Variants in TNRC6C observed in about 807,000 individuals in gnomAD.
The protein encoded by TNRC6C is trinucleotide repeat containing adaptor 6C.
In TNRC6C, 20 loss-of-function variants were observed where a neutral mutation model predicts 153.7. The ratio of observed to expected loss-of-function variants is 0.13; its 90% CI spans 0.09 to 0.19. The LOEUF (loss-of-function observed/expected upper bound fraction) is 0.19, where lower values mean the gene tolerates loss of function less well. Among genes scored for constraint, TNRC6C ranks in the 10% least tolerant of loss-of-function variants. The pLI is 1.00. For missense variants in TNRC6C, 1,987 were observed against 2,172.0 expected (o/e 0.91, Z 1.69); for synonymous variants, 811 against 841.4 (o/e 0.96, Z 0.63).
chr17:78,066,824 C>G (rs554314795), intron 4 of TNRC6C: 2 of 152,336 alleles, frequency 1.3e-5, no homozygotes, highest in African/African-American at 4.8e-5. Context: ...GGCCCAACCT[C>G]AGGCCTGCCA....
At chr17:78,004,104 G>A, upstream of TNRC6C, 1 of 1,230,198 alleles carries the variant, frequency 8.1e-7, no homozygotes, top group Non-Finnish European at 1.0e-6. Flanking sequence ...GGAGCAGCTA[G>A]TGCTTTTTCA....
At chr17:78,004,315 C>T, upstream of TNRC6C, 2 of 1,231,584 alleles carry the variant, frequency 1.6e-6, no homozygotes, top group Non-Finnish European at 2.0e-6. Context: ...CATTGTGTGT[C>T]TCATTTGCAT....
chr17:78,022,408 C>T (rs2071851855), intron 1 of TNRC6C, among the ~76,000 whole-genome samples: 1 of 152,184 alleles, frequency 6.6e-6, no homozygotes, highest in Non-Finnish European at 1.5e-5. Context: ...CTATGATTTG[C>T]TTACTTCTTC....
intron 1 of TNRC6C, among the ~76,000 whole-genome samples, chr17:77,986,288 G>T (rs2071166210): frequency 6.6e-6 from 1 of 152,054 alleles, no homozygotes. Flanking sequence ...GGTGGCACAT[G>T]CCTGTAATCC....
intron 1 of TNRC6C, among the ~76,000 whole-genome samples, chr17:78,030,013 CT>C (rs1374137862): frequency 6.6e-6 from 1 of 151,616 alleles, no homozygotes; most frequent in Admixed American, 6.6e-5. Context: ...TTGTTTTTGG[CT>C]TTTTTTTATG....
chr17:78,039,660 C>T (rs114949143), intron 2 of TNRC6C, among the ~76,000 whole-genome samples: 391 of 152,338 alleles, frequency 2.6e-3, no homozygotes, highest in African/African-American at 9.2e-3. Flanking sequence ...CAGGCAGCAT[C>T]CTGTGGCTGC....
chr17:77,964,901 G>T (rs1055231375), intron 1 of TNRC6C, among the ~76,000 whole-genome samples: 1 of 152,060 alleles, frequency 6.6e-6, no homozygotes, highest in Non-Finnish European at 1.5e-5. Context: ...GGTCTTTTTT[G>T]GTAGGGAGGC....
At chr17:78,093,859 A>G (rs2073435534) in intron 16 of TNRC6C, 96 bp downstream of exon 18, 1 of 1,502,162 alleles carries the variant, frequency 6.7e-7, no homozygotes, top group African/African-American at 1.4e-5. Flanking sequence ...GGCAGGGATG[A>G]TACAAGGCAC....
At chr17:78,096,106 C>T (rs977048883) in intron 16 of TNRC6C, among the ~76,000 whole-genome samples, 10 of 152,154 alleles carry the variant, frequency 6.6e-5, no homozygotes, top group East Asian at 1.9e-4. Flanking sequence ...CCAGTGCGCA[C>T]GGCCGAGCTG....
intron 1 of TNRC6C, among the ~76,000 whole-genome samples, chr17:77,973,135 G>A (rs1351914292): frequency 1.3e-5 from 2 of 152,158 alleles, no homozygotes; most frequent in African/African-American, 4.8e-5. Context: ...TTGAACTCCT[G>A]ACTTCAGGTG....
At chr17:78,105,648 T>C (rs986788703) in exon 20 of TNRC6C, 5 of 152,010 alleles carry the variant, frequency 3.3e-5, no homozygotes, top group African/African-American at 1.2e-4. Flanking sequence ...TGTGTGTGTG[T>C]GCATGTGTGG....
intron 1 of TNRC6C, among the ~76,000 whole-genome samples, chr17:77,976,561 T>A (rs2070999997): frequency 6.6e-6 from 1 of 152,228 alleles, no homozygotes. Context: ...ATCGCTGAAG[T>A]CAGCTATTCA....
rs752140669 is a variant in TNRC6C at position 78,079,390 on chromosome 17, T to C, written c.3211-5T>C. 3 of 1,613,674 alleles carry C rather than the reference T, an allele frequency of 1.9e-6. No homozygotes were observed. Among genetic ancestry groups the C allele is most frequent in the African/African-American group, 2.7e-5 (2 of 74,894 alleles). ...GGTAACGTGTTTAATTCTGTCCCTG[T>C]GCAGATACCGAGTGGCAATCTGGGT... On this transcript the variant is annotated splice_polypyrimidine_tract_variant and splice_region_variant and intron_variant, in intron 9 of 19. Transcript: ENST00000301624. This position sits in a 1 kb window ranked among gnomAD's most constrained non-coding sequence, Gnocchi z 4.3.
intron 1 of TNRC6C, among the ~76,000 whole-genome samples, chr17:77,977,531 AT>A (rs1190710923): frequency 2.0e-5 from 3 of 152,228 alleles, no homozygotes; most frequent in African/African-American, 2.4e-5. Flanking sequence ...GGGAACCAGC[AT>A]TTATTAAGCC....
At chr17:77,966,011 G>C (rs182724156) in intron 1 of TNRC6C, among the ~76,000 whole-genome samples, 41 of 152,332 alleles carry the variant, frequency 2.7e-4, no homozygotes, top group Admixed American at 2.2e-3. Context: ...GGCTGCAGTG[G>C]TTAGGCAAGA....
At position 78,091,432 on chromosome 17, in the gene TNRC6C, C is replaced by G. The variant is rs757258259; in HGVS notation, c.3803-8C>G. 1.3e-6 allele frequency: 2 copies of G among 1,580,524 alleles called. No homozygotes were observed. Among genetic ancestry groups the G allele is most frequent in the South Asian group, 2.3e-5 (2 of 86,702 alleles). On this transcript the variant is annotated splice_region_variant and splice_polypyrimidine_tract_variant and intron_variant, in intron 13 of 19. Coordinates refer to ENST00000301624, the Ensembl canonical transcript of TNRC6C. ...GCAGGCGAATCCTAACCGCATCTCTCTCTTTAGCTGGACTGAACCCAAACA... is the reference window on the plus strand; with the variant it reads ...GCAGGCGAATCCTAACCGCATCTCTGTCTTTAGCTGGACTGAACCCAAACA...
At chr17:77,989,135 G>A (rs555612567) in intron 1 of TNRC6C, among the ~76,000 whole-genome samples, 1 of 152,306 alleles carries the variant, frequency 6.6e-6, no homozygotes, top group Admixed American at 6.5e-5. Context: ...GAAGAAGGGA[G>A]GGACCAGCCC....
intron 5 of TNRC6C, among the ~76,000 whole-genome samples, chr17:78,068,400 A>G (rs1352886887): frequency 2.0e-5 from 3 of 152,240 alleles, no homozygotes; most frequent in African/African-American, 7.2e-5. Flanking sequence ...AATAGACACA[A>G]CTCATGTCAA....
chr17:78,022,141 T>A (rs1254413849), intron 1 of TNRC6C, among the ~76,000 whole-genome samples: 1 of 152,164 alleles, frequency 6.6e-6, no homozygotes, highest in East Asian at 1.9e-4. Context: ...GTCTTTGAGT[T>A]TTTCCCCCAT....
Sources: gnomAD v4.1 joint callset for allele counts (sites outside exome capture counted in the v4.1 genomes callset) on GRCh38, gnomAD v4.1.1 for gene constraint, Gnocchi (gnomAD v3.1) non-coding constraint, MANE v1.5 for transcripts, NCBI Gene and HGNC (gene_info 2026-07-23, HGNC 2026-07-21) for gene names.